Variants in NFATC1 observed in about 807,000 individuals in gnomAD.
The protein encoded by NFATC1 is nuclear factor of activated T cells 1.
A neutral mutation model predicts 76.0 loss-of-function variants in NFATC1; 22 were observed. That is an observed-to-expected ratio of 0.29 (90% CI 0.21 to 0.41). The LOEUF (loss-of-function observed/expected upper bound fraction) is 0.41. NFATC1 is among the 10% of genes least tolerant of loss of function. The probability of loss-of-function intolerance (pLI) is 1.00; values close to 1 mark genes in which losing one functional copy is unlikely to be tolerated. For synonymous variants in NFATC1, 704 were observed against 613.1 expected, an observed-to-expected ratio of 1.15 and a Z score of -2.19; for missense variants, 1,357 against 1,337.7, an observed-to-expected ratio of 1.01 and a Z score of -0.23.
rs371949213 is a variant in NFATC1 at position 79,415,467 on chromosome 18, A to G, written c.1226+3966A>G. ...CCGGCTATTTTTTTGTATTTTTAGT[A>G]GAGATGGGGTTTCACCATGTTAGCC... On this transcript the variant is annotated intron_variant, in intron 2 of 9. Transcript: ENST00000427363. 2.7e-5 allele frequency among the ~76,000 whole-genome samples: 4 copies of G among 150,906 alleles called. No individual in the cohort carries two copies. In the East Asian group the frequency reaches 6.0e-4, roughly 23 times the overall value.
intron 2 of NFATC1, among the ~76,000 whole-genome samples, chr18:79,416,181 A>G (rs2085869516): frequency 6.6e-6 from 1 of 152,286 alleles, no homozygotes; most frequent in African/African-American, 2.4e-5. Flanking sequence ...AAGGTCTGAG[A>G]AAACGTTCAC....
At chr18:79,404,508 T>A (rs1438274905) in intron 1 of NFATC1, among the ~76,000 whole-genome samples, 1 of 152,248 alleles carries the variant, frequency 6.6e-6, no homozygotes, top group Non-Finnish European at 1.5e-5. Flanking sequence ...TTCCAATACA[T>A]TCACAGTTGT....
chr18:79,469,973 C>A lies in NFATC1; in HGVS notation c.2092+2391C>A, dbSNP rs1459402994. On this transcript the variant is annotated intron_variant, in intron 8 of 9. Transcript: ENST00000427363. The stretch of plus-strand genomic sequence containing the variant: ...TGACGCTGGGCCTACCTCGAGGCCA[C>A]TGTCAGTGTGGTTGTTAAATAAATA... The A allele has an allele frequency of 6.1e-6, 6 of 985,412 alleles. No homozygotes were observed. In the Admixed American group the frequency reaches 3.7e-4, roughly 61 times the overall value. 61.0% of individuals were successfully genotyped at this position (985,412 alleles called of 1,614,324 possible).
At chr18:79,485,102 G>A (rs2089456387) in intron 8 of NFATC1, among the ~76,000 whole-genome samples, 1 of 152,220 alleles carries the variant, frequency 6.6e-6, no homozygotes, top group Non-Finnish European at 1.5e-5. Context: ...TTTGCACCGG[G>A]AGCCTGTGTA....
At chr18:79,459,340 T>G (rs1213440080) in intron 6 of NFATC1, among the ~76,000 whole-genome samples, 1 of 152,224 alleles carries the variant, frequency 6.6e-6, no homozygotes, top group East Asian at 1.9e-4. Flanking sequence ...TCGTTCCATT[T>G]GCTTTTCATG....
chr18:79,527,611 A>G lies in NFATC1; in HGVS notation c.*34A>G, dbSNP rs760165897. 1.9e-5 allele frequency: 31 copies of G among 1,594,404 alleles called. No individual in the cohort carries two copies. Among genetic ancestry groups the G allele is most frequent in the Non-Finnish European group, 2.5e-5 (29 of 1,162,356 alleles). On this transcript the variant is annotated 3_prime_UTR_variant, in exon 10 of 10. Coordinates refer to ENST00000427363, the MANE Select transcript of NFATC1 (RefSeq NM_001278669.2). ...TTGGAGCACTCAGTTCAGCAGGGGT[A>G]TGCTGACTTCAGCAGACAAAGACTT...
intron 8 of NFATC1, chr18:79,468,491 C>CT (rs1210063017): frequency 3.3e-5 from 5 of 152,154 alleles, no homozygotes; most frequent in African/African-American, 1.2e-4. Flanking sequence ...TTTTATATTG[C>CT]TTTTTTTCTA....
rs1387165001 is a variant in NFATC1, at chr18:79,420,586, G to A, written c.1226+9085G>A. On this transcript the variant is annotated intron_variant, in intron 2 of 9. Coordinates refer to ENST00000427363, the MANE Select transcript of NFATC1 (RefSeq NM_001278669.2). ...GGTGACATCGCTACAGACAGGAAGA[G>A]GGGGATGCGTTTCCGGGAGACGTCG... Among the ~76,000 whole-genome samples, 3 of 151,936 alleles carry A rather than the reference G, an allele frequency of 2.0e-5. No individual in the cohort carries two copies. In the East Asian group the frequency reaches 5.8e-4, roughly 29 times the overall value.
intron 1 of NFATC1, among the ~76,000 whole-genome samples, chr18:79,407,029 C>T (rs1240370890): frequency 2.6e-5 from 4 of 152,206 alleles, no homozygotes; most frequent in Admixed American, 6.5e-5. Context: ...GAGGGGCCAC[C>T]GTGACGCCCA....
At chr18:79,498,074 G>A (rs963011723) in intron 9 of NFATC1, 1 of 150,496 alleles carries the variant, frequency 6.6e-6, no homozygotes, top group Non-Finnish European at 1.5e-5. Flanking sequence ...GATGGGGGGG[G>A]GGGAATCTCA....
At chr18:79,453,788 A>G (rs1304315469) in intron 6 of NFATC1, among the ~76,000 whole-genome samples, 1 of 152,260 alleles carries the variant, frequency 6.6e-6, no homozygotes, top group Non-Finnish European at 1.5e-5. Context: ...TTTATTCTTT[A>G]TAGTTGAATA....
At chr18:79,495,447 C>T (rs937826151) in intron 9 of NFATC1, among the ~76,000 whole-genome samples, 4 of 152,238 alleles carry the variant, frequency 2.6e-5, no homozygotes, top group Admixed American at 6.5e-5. Context: ...AGCTATTCAT[C>T]TTCTGCCTTT....
Position 79,396,106 on chromosome 18 carries a change from C to A in NFATC1, c.-119C>A. 1 of 1,157,262 alleles carries A rather than the reference C, an allele frequency of 8.6e-7. No individual in the cohort carries two copies. The highest frequency in any genetic ancestry group is 1.1e-6 in the Non-Finnish European group (1 of 926,782). The allele number at this position is 1,157,262 out of a possible 1,614,324, so 71.7% of individuals were successfully genotyped here. A position where few individuals can be genotyped will look rare whatever the true frequency, so the allele number is the denominator to read the frequency against. On this transcript the variant is annotated 5_prime_UTR_variant, in exon 1 of 10. Coordinates refer to ENST00000427363, the MANE Select transcript of NFATC1 (RefSeq NM_001278669.2). ...GCCCCTCGATGACTTTCCTCCGGGG[C>A]GCGCGGCGCTGAGCCCGGGGCGAGG...
rs1272538424 is a variant in NFATC1, at chr18:79,528,452, T to C, written c.*875T>C. 2.0e-5 allele frequency: 3 copies of C among 152,276 alleles called. No homozygotes were observed. The highest frequency in any genetic ancestry group is 7.2e-5 in the African/African-American group (3 of 41,476). The allele number at this position is 152,276 out of a possible 1,614,324, so 9.4% of individuals were successfully genotyped here. A position where few individuals can be genotyped will look rare whatever the true frequency, so the allele number is the denominator to read the frequency against. On this transcript the variant is annotated 3_prime_UTR_variant, in exon 10 of 10. Coordinates refer to ENST00000427363, the MANE Select transcript of NFATC1 (RefSeq NM_001278669.2). The stretch of plus-strand genomic sequence containing the variant: ...CCCAGGAGGGCTTCCCTGTCAGCAA[T>C]AACCGGCATCCGTTTTGGAACCTGC...
chr18:79,504,127 T>A (rs2090073035), intron 9 of NFATC1, among the ~76,000 whole-genome samples: 1 of 152,226 alleles, frequency 6.6e-6, no homozygotes, highest in Admixed American at 6.5e-5. Context: ...TCATCGGTGT[T>A]GTTCACTAGG....
chr18:79,431,703 T>C (rs1186408640), intron 2 of NFATC1, among the ~76,000 whole-genome samples: 1 of 151,968 alleles, frequency 6.6e-6, no homozygotes, highest in African/African-American at 2.4e-5. Flanking sequence ...GTTTTTGTTG[T>C]TGTTTGTTGT....
chr18:79,438,083 C>T (rs954874882), intron 3 of NFATC1, among the ~76,000 whole-genome samples: 4 of 152,216 alleles, frequency 2.6e-5, no homozygotes, highest in South Asian at 2.1e-4. Flanking sequence ...ACTGTGGTCC[C>T]GGAGGAGACC....
chr18:79,515,922 T>C (rs536709970), intron 9 of NFATC1: 1 of 152,000 alleles, frequency 6.6e-6, no homozygotes, highest in African/African-American at 2.4e-5. Context: ...GGTGGTTTAA[T>C]GATCCCAGTG....
At chr18:79,485,492 CAA>C (rs1209442034) in intron 8 of NFATC1, among the ~76,000 whole-genome samples, 1 of 152,260 alleles carries the variant, frequency 6.6e-6, no homozygotes, top group Non-Finnish European at 1.5e-5. Context: ...GAAGCCGGCA[CAA>C]AGGCTGGGGT....
Sources: allele counts gnomAD v4.1 joint callset (sites outside exome capture counted in the v4.1 genomes callset), GRCh38; gene constraint gnomAD v4.1.1; transcripts MANE v1.5; gene names NCBI Gene and HGNC (gene_info 2026-07-23, HGNC 2026-07-21).